Variants in MIA2 observed in about 807,000 individuals in gnomAD.
The protein encoded by MIA2 is MIA SH3 domain ER export factor 2, also known as melanoma inhibitory activity protein 2.
Under a neutral mutation model 167.8 loss-of-function variants are expected in MIA2, and 127 were observed. The observed-to-expected ratio is 0.76, with a 90% confidence interval of 0.66 to 0.88. The LOEUF (loss-of-function observed/expected upper bound fraction) is 0.88. Among genes scored for constraint, MIA2 ranks in the 40% least tolerant of loss-of-function variants. The pLI, the probability that MIA2 is intolerant of heterozygous loss-of-function variation, is 0.00. For synonymous variants in MIA2, 552 were observed against 541.9 expected, an observed-to-expected ratio of 1.02 and a Z score of -0.26; for missense variants, 1,690 against 1,624.7, an observed-to-expected ratio of 1.04 and a Z score of -0.69.
intron 6 of MIA2, chr14:39,265,714 TTAAGAA>T (rs1566620684): frequency 3.4e-6 from 1 of 293,798 alleles, no homozygotes. Flanking sequence ...TCAGACACAT[TTAAGAA>T]TTTTTATTGA....
chr14:39,286,382 G>T (rs8010145), intron 9 of MIA2, among the ~76,000 whole-genome samples: 1,795 of 152,156 alleles, frequency 0.012, 32 homozygotes, highest in African/African-American at 0.04. Flanking sequence ...TGCAGTGAGC[G>T]GAGATGGCAG....
chr14:39,239,465 G>A (rs1395467420), intron 2 of MIA2, among the ~76,000 whole-genome samples: 1 of 152,110 alleles, frequency 6.6e-6, no homozygotes, highest in African/African-American at 2.4e-5. Context: ...AGAGGCAGGA[G>A]GACAGCTTGA....
At chr14:39,377,017 A>C (rs1244828353) in intron 23 of MIA2, among the ~76,000 whole-genome samples, 1 of 152,156 alleles carries the variant, frequency 6.6e-6, no homozygotes, top group Non-Finnish European at 1.5e-5. Context: ...TGGAGTCCCG[A>C]GTTTCTATTT....
intron 24 of MIA2, among the ~76,000 whole-genome samples, chr14:39,322,044 T>C (rs1237600719): frequency 6.6e-6 from 1 of 152,210 alleles, no homozygotes; most frequent in Middle Eastern, 3.2e-3. Flanking sequence ...CCCAAAGTGC[T>C]GGGATTACAA....
intron 9 of MIA2, among the ~76,000 whole-genome samples, chr14:39,288,452 TA>T (rs1336057563): frequency 0.04 from 603 of 15,084 alleles, 75 homozygotes; most frequent in African/African-American, 0.086. Flanking sequence ...TATATATATA[TA>T]TATATATATA....
chr14:39,346,913 T>C, intron 26 of MIA2: 1 of 325,442 alleles, frequency 3.1e-6, no homozygotes. Context: ...GCCTGGAAAG[T>C]CAGTATTTTA....
intron 6 of MIA2, among the ~76,000 whole-genome samples, chr14:39,255,624 C>A (rs1443798019): frequency 4.6e-5 from 7 of 152,112 alleles, no homozygotes; most frequent in Non-Finnish European, 8.8e-5. Flanking sequence ...TTTCAACTCC[C>A]CATGGAATTA....
exon 24 of MIA2, chr14:39,387,223 A>G: frequency 5.1e-6 from 2 of 392,968 alleles, no homozygotes; most frequent in Non-Finnish European, 8.9e-6. Context: ...GTAAAGTGAA[A>G]ACCTCAAAAG....
chr14:39,257,965 A>T (rs1213752831), intron 6 of MIA2, among the ~76,000 whole-genome samples: 1 of 152,190 alleles, frequency 6.6e-6, no homozygotes, highest in Non-Finnish European at 1.5e-5. Flanking sequence ...TGTTAGTCTG[A>T]TGGGCTTCCC....
rs1256377283 is a variant in MIA2, at chr14:39,293,333, A to C, written c.2271A>C (p.Glu757Asp). The stretch of plus-strand genomic sequence containing the variant: ...TTGAGGATGAAATACTCTGTCTAGA[A>C]AAAGAGTTAAAAGAAGAGAAATCCA... ...SELEDEILCL[E>D]KELKEEKSKH... The change falls in exon 11 of 29, where the codon GAA becomes GAC. Residue 757 changes from glutamate to aspartate, a missense_variant. Glu to Asp is a conservative substitution (Grantham distance 45). Transcript: ENST00000640607. The C allele has an allele frequency of 6.2e-7, 1 of 1,611,182 alleles. No homozygotes were observed. Among genetic ancestry groups the C allele is most frequent in the Non-Finnish European group, 8.5e-7 (1 of 1,178,148 alleles).
intron 4 of MIA2, among the ~76,000 whole-genome samples, chr14:39,248,473 T>G (rs1049632097): frequency 1.3e-5 from 2 of 152,144 alleles, no homozygotes; most frequent in Admixed American, 6.5e-5. Context: ...GCAATTTCTG[T>G]TCTCTCCATC....
chr14:39,282,058 C>T (rs1725039155), intron 9 of MIA2, among the ~76,000 whole-genome samples: 1 of 151,956 alleles, frequency 6.6e-6, no homozygotes, highest in Non-Finnish European at 1.5e-5. Flanking sequence ...CATTTTTTCT[C>T]TTGTTTCTCA....
chr14:39,273,301 T>A (rs1287339361), intron 6 of MIA2, among the ~76,000 whole-genome samples: 1 of 151,696 alleles, frequency 6.6e-6, no homozygotes, highest in Admixed American at 6.6e-5. Flanking sequence ...TAGATGTTTC[T>A]TGTCAGGTTG....
intron 25 of MIA2, among the ~76,000 whole-genome samples, chr14:39,339,327 T>C (rs2071246674): frequency 6.6e-6 from 1 of 152,194 alleles, no homozygotes; most frequent in African/African-American, 2.4e-5. Flanking sequence ...ATTTATTTAT[T>C]TCCCTGTCTT....
chr14:39,330,244 G>T (rs1418183691), intron 25 of MIA2, among the ~76,000 whole-genome samples: 1 of 152,164 alleles, frequency 6.6e-6, no homozygotes, highest in East Asian at 1.9e-4. Flanking sequence ...AGATTTTCTA[G>T]TTTGTTCACA....
At chr14:39,386,880 A>C (rs751686395) in intron 23 of MIA2, 2 of 824,986 alleles carry the variant, frequency 2.4e-6, no homozygotes, top group Admixed American at 3.7e-5. Flanking sequence ...GTTCTCTCTC[A>C]CCAGGCGCAC....
At chr14:39,266,933 C>T in intron 6 of MIA2, 1 of 645,720 alleles carries the variant, frequency 1.5e-6, no homozygotes, top group Non-Finnish European at 1.9e-6. Context: ...GGGACATAGC[C>T]CTGGTCTTTG....
chr14:39,320,633 A>G (rs541428345), intron 23 of MIA2, among the ~76,000 whole-genome samples: 3 of 152,324 alleles, frequency 2.0e-5, no homozygotes, highest in East Asian at 3.9e-4. Context: ...ACTCTAAGAT[A>G]TATCTCCAAT....
At position 39,346,772 on chromosome 14, in the gene MIA2, C is replaced by T; in HGVS notation, c.3778+746C>T. On this transcript the variant is annotated intron_variant, in intron 26 of 28. Coordinates refer to ENST00000640607, the MANE Select transcript of MIA2 (RefSeq NM_001329214.4). Reference sequence around the variant, plus strand: ...GGGACTACAGGTGTGCACCACCACACATGGCTAATTTTTTGTAAAGATGAG... The same window carrying T: ...GGGACTACAGGTGTGCACCACCACATATGGCTAATTTTTTGTAAAGATGAG... The T allele has an allele frequency of 1.8e-5, 3 of 167,954 alleles. 1 individual carries two copies. The South Asian group carries it at 3.9e-4, about 22-fold the overall frequency. The allele number at this position is 167,954 out of a possible 1,614,324, so 10.4% of individuals were successfully genotyped here. A position where few individuals can be genotyped will look rare whatever the true frequency, so the allele number is the denominator to read the frequency against.
Sources: gnomAD v4.1 joint callset for allele counts (sites outside exome capture counted in the v4.1 genomes callset) on GRCh38, gnomAD v4.1.1 for gene constraint, MANE v1.5 for transcripts, NCBI Gene and HGNC (gene_info 2026-07-23, HGNC 2026-07-21) for gene names.